Variants in CADPS2 observed in about 807,000 individuals in gnomAD.
The protein encoded by CADPS2 is calcium-dependent secretion activator 2.
A neutral mutation model predicts 172.5 loss-of-function variants in CADPS2; 93 were observed. The ratio of observed to expected loss-of-function variants is 0.54; its 90% CI spans 0.46 to 0.64. The LOEUF (loss-of-function observed/expected upper bound fraction) is 0.64, where lower values mean the gene tolerates loss of function less well. Ranked by LOEUF, CADPS2 falls within the 30% of genes least tolerant of loss-of-function variation. The probability of loss-of-function intolerance (pLI) is 0.00; values close to 1 mark genes in which losing one functional copy is unlikely to be tolerated. For synonymous variants in CADPS2, 546 were observed against 555.2 expected (o/e 0.98, Z 0.23); for missense variants, 1,420 against 1,565.9 (o/e 0.91, Z 1.57).
chr7:122,782,871 G>C (rs1018200802), intron 1 of CADPS2, among the ~76,000 whole-genome samples: 1 of 151,868 alleles, frequency 6.6e-6, no homozygotes, highest in Non-Finnish European at 1.5e-5. Flanking sequence ...TTTCTACTCA[G>C]TATTCCTTTT....
At chr7:122,644,218 T>A (rs1186615599) in intron 3 of CADPS2, among the ~76,000 whole-genome samples, 1 of 152,234 alleles carries the variant, frequency 6.6e-6, no homozygotes, top group Non-Finnish European at 1.5e-5. Flanking sequence ...ACTTCCCACA[T>A]TCTATAGCAA....
chr7:122,554,604 A>G lies in CADPS2; in HGVS notation c.1421T>C (p.Leu474Ser), dbSNP rs2064782017. The G allele has an allele frequency of 6.2e-7, 1 of 1,612,084 alleles. No homozygotes were observed. Among genetic ancestry groups the G allele is most frequent in the Non-Finnish European group, 8.5e-7 (1 of 1,178,944 alleles). The change falls in exon 8 of 30, where the codon TTA becomes TCA. Residue 474 changes from leucine (L) to serine (S), a missense_variant. By Grantham distance (145) the Leu-to-Ser change is moderately radical. Coordinates refer to ENST00000449022, the MANE Select transcript of CADPS2 (RefSeq NM_017954.11). Reference sequence around the variant, plus strand: ...CATTCGCACTGCCAGTTTGATTTTTAAGTCAGAATCCTGGCTATTTTTTGG... The same window carrying G: ...CATTCGCACTGCCAGTTTGATTTTTGAGTCAGAATCCTGGCTATTTTTTGG... ...VVPKNSQDSD[L>S]KIKLAVRMDK...
chr7:122,798,842 G>A (rs1008891563), intron 1 of CADPS2, among the ~76,000 whole-genome samples: 1 of 151,668 alleles, frequency 6.6e-6, no homozygotes, highest in Non-Finnish European at 1.5e-5. Context: ...CTCAACTTCT[G>A]CTTGATTTTT....
intron 1 of CADPS2, among the ~76,000 whole-genome samples, chr7:122,810,397 A>C (rs1252888384): frequency 6.6e-6 from 1 of 152,116 alleles, no homozygotes; most frequent in East Asian, 1.9e-4. Flanking sequence ...TCCAGGTCAT[A>C]TGTATGATTT....
At chr7:122,827,615 T>C (rs1182596519) in intron 1 of CADPS2, among the ~76,000 whole-genome samples, 3 of 145,292 alleles carry the variant, frequency 2.1e-5, no homozygotes, top group Non-Finnish European at 4.5e-5. Context: ...CTGGGCAACA[T>C]GAGCGAAATT....
At chr7:122,536,764 C>T (rs900470716) in intron 8 of CADPS2, among the ~76,000 whole-genome samples, 1 of 152,022 alleles carries the variant, frequency 6.6e-6, no homozygotes, top group African/African-American at 2.4e-5. Context: ...CAGAAAACCT[C>T]AACTCTCACA....
chr7:122,804,933 T>C (rs1244789081), intron 1 of CADPS2, among the ~76,000 whole-genome samples: 1 of 152,178 alleles, frequency 6.6e-6, no homozygotes, highest in Non-Finnish European at 1.5e-5. Context: ...CTCTGGGGAT[T>C]GGTAAATAGA....
At chr7:122,409,684 T>A (rs1160141344) in intron 19 of CADPS2, 1 of 469,176 alleles carries the variant, frequency 2.1e-6, no homozygotes, top group African/African-American at 2.0e-5. Context: ...AAAGCAACAG[T>A]TGCAGTTATC....
chr7:122,332,404 T>TC (rs1442424308), intron 28 of CADPS2, among the ~76,000 whole-genome samples: 1 of 151,928 alleles, frequency 6.6e-6, no homozygotes, highest in East Asian at 1.9e-4. Context: ...CTTTTTTTTT[T>TC]TTTTTTCAAT....
At chr7:122,629,370 T>A in intron 3 of CADPS2, 42 bp from the exon 4 acceptor site, 1 of 1,507,090 alleles carries the variant, frequency 6.6e-7, no homozygotes, top group Non-Finnish European at 9.1e-7. Flanking sequence ...AATTACTTAA[T>A]CTATATACAG....
chr7:122,647,923 C>A (rs1374187244), intron 3 of CADPS2, among the ~76,000 whole-genome samples: 7 of 152,174 alleles, frequency 4.6e-5, no homozygotes, highest in Non-Finnish European at 4.4e-5. Flanking sequence ...TTGTTACTGG[C>A]TGATTTTCTG....
At chr7:122,601,932 T>C (rs2072842828) in intron 6 of CADPS2, among the ~76,000 whole-genome samples, 1 of 152,060 alleles carries the variant, frequency 6.6e-6, no homozygotes, top group Non-Finnish European at 1.5e-5. Flanking sequence ...GGCTTAGAAA[T>C]TATGATTTTA....
At chr7:122,721,593 C>T (rs964640989) in intron 2 of CADPS2, among the ~76,000 whole-genome samples, 2 of 152,152 alleles carry the variant, frequency 1.3e-5, no homozygotes, top group Admixed American at 1.3e-4. Context: ...GATTCACAGC[C>T]GAATTCTACC....
chr7:122,488,898 T>C (rs941960498), intron 11 of CADPS2, among the ~76,000 whole-genome samples: 3 of 152,190 alleles, frequency 2.0e-5, no homozygotes, highest in Non-Finnish European at 4.4e-5. Context: ...AACACTCTTA[T>C]CTGCTGTGCC....
At chr7:122,378,572 G>A (rs539836792) in intron 25 of CADPS2, among the ~76,000 whole-genome samples, 4 of 152,056 alleles carry the variant, frequency 2.6e-5, no homozygotes, top group Middle Eastern at 6.8e-3. Flanking sequence ...AATTGGGGGC[G>A]GTTTTACCTT....
chr7:122,466,977 T>A (rs2055227792), intron 14 of CADPS2, among the ~76,000 whole-genome samples: 5 of 152,184 alleles, frequency 3.3e-5, no homozygotes, highest in Admixed American at 3.3e-4. Flanking sequence ...CTTGCTTCAG[T>A]ATTGAACTTG....
intron 5 of CADPS2, among the ~76,000 whole-genome samples, chr7:122,617,834 G>A (rs1329080232): frequency 6.6e-6 from 1 of 152,116 alleles, no homozygotes; most frequent in Non-Finnish European, 1.5e-5. Flanking sequence ...ATGAGCTCAG[G>A]AGATCGAGAC....
At chr7:122,718,456 T>C (rs886987972) in intron 2 of CADPS2, among the ~76,000 whole-genome samples, 1 of 152,040 alleles carries the variant, frequency 6.6e-6, no homozygotes. Context: ...CTATAGGATA[T>C]TGCCAGTGAG....
In CADPS2 at chr7:122,858,377, A is replaced by G. The variant is rs1815927432; in HGVS notation, c.339+27622T>C. Among the ~76,000 whole-genome samples, 3 of 152,290 alleles carry G rather than the reference A, an allele frequency of 2.0e-5. No individual in the cohort carries two copies. In the South Asian group the frequency reaches 6.2e-4, roughly 32 times the overall value. ...AAATAGAGCTTTTATACAAGAAACA[A>G]AGTTCTTATTTTGTAAGAAAAAAGA... On this transcript the variant is annotated intron_variant, in intron 1 of 29. Coordinates refer to ENST00000449022, the MANE Select transcript of CADPS2 (RefSeq NM_017954.11).
Sources: allele counts gnomAD v4.1 joint callset (sites outside exome capture counted in the v4.1 genomes callset), GRCh38; gene constraint gnomAD v4.1.1; transcripts MANE v1.5; gene names NCBI Gene and HGNC (gene_info 2026-07-23, HGNC 2026-07-21).